SLC24A2: variants seen among roughly 807,000 people sequenced by gnomAD.
The protein encoded by SLC24A2 is sodium/potassium/calcium exchanger 2.
SLC24A2 carries 36 observed loss-of-function variants against 62.0 expected under a neutral mutation model. The ratio of observed to expected loss-of-function variants is 0.58; its 90% CI spans 0.44 to 0.77. SLC24A2 has a LOEUF of 0.77. SLC24A2 is among the 30% of genes least tolerant of loss of function. The pLI, the probability that SLC24A2 is intolerant of heterozygous loss-of-function variation, is 0.00. For missense variants in SLC24A2, 846 were observed against 817.9 expected, an observed-to-expected ratio of 1.03 and a Z score of -0.42; for synonymous variants, 358 against 294.0, an observed-to-expected ratio of 1.22 and a Z score of -2.23.
the SLC24A2 span, among the ~76,000 whole-genome samples, chr9:20,116,219 G>A: frequency 2.6e-5 from 4 of 152,218 alleles, no homozygotes; most frequent in Middle Eastern, 3.4e-3. Flanking sequence ...TCTCACACCA[G>A]AATGCCATTC....
Position 19,543,592 on chromosome 9 carries a change from C to T in SLC24A2, c.1479+6545G>A, listed in dbSNP as rs547770003. 1.2e-3 allele frequency among the ~76,000 whole-genome samples: 187 copies of T among 152,296 alleles called. 1 individual carries two copies. Among genetic ancestry groups the T allele is most frequent in the African/African-American group, 4.1e-3 (170 of 41,576 alleles). The stretch of plus-strand genomic sequence containing the variant: ...TTAGTGCTATAAATTTCCCTCTACA[C>T]AGTGCTTTAAATGTGTCCCAGAGAT... On this transcript the variant is annotated intron_variant, in intron 8 of 10. Coordinates refer to ENST00000341998, the MANE Select transcript of SLC24A2 (RefSeq NM_020344.4).
chr9:20,028,203 G>T, the SLC24A2 span, among the ~76,000 whole-genome samples: 9 of 152,150 alleles, frequency 5.9e-5, no homozygotes, highest in Non-Finnish European at 1.0e-4. Flanking sequence ...ATCATAGAAG[G>T]CTTTGGGGTT....
chr9:20,118,520 A>G, the SLC24A2 span, among the ~76,000 whole-genome samples: 2 of 152,128 alleles, frequency 1.3e-5, no homozygotes, highest in South Asian at 4.1e-4. Flanking sequence ...ATATTTAAAA[A>G]ACTATTGATG....
At chr9:20,115,799 G>C in the SLC24A2 span, among the ~76,000 whole-genome samples, 1 of 152,132 alleles carries the variant, frequency 6.6e-6, no homozygotes, top group Non-Finnish European at 1.5e-5. Flanking sequence ...TCCATAGTGT[G>C]TTGAATTTCT....
At chr9:19,994,302 C>CAA in the SLC24A2 span, among the ~76,000 whole-genome samples, 28 of 151,812 alleles carry the variant, frequency 1.8e-4, no homozygotes, top group Non-Finnish European at 2.7e-4. Context: ...AAAAACAAAA[C>CAA]AAAAAAAACA....
intron 2 of SLC24A2, among the ~76,000 whole-genome samples, chr9:19,682,678 C>T (rs13299310): frequency 0.18 from 27,748 of 152,094 alleles, 2,863 homozygotes; most frequent in Middle Eastern, 0.24. Context: ...TCTAAATACA[C>T]AAACGTACTG....
the SLC24A2 span, among the ~76,000 whole-genome samples, chr9:19,901,617 C>T: frequency 6.6e-6 from 1 of 152,148 alleles, no homozygotes; most frequent in African/African-American, 2.4e-5. Context: ...TCACTACACA[C>T]ACATGTAACA....
At chr9:20,039,217 C>G in the SLC24A2 span, among the ~76,000 whole-genome samples, 6 of 152,160 alleles carry the variant, frequency 3.9e-5, no homozygotes, top group African/African-American at 1.4e-4. Flanking sequence ...GACAAAATCT[C>G]AAACTTCTTT....
the SLC24A2 span, among the ~76,000 whole-genome samples, chr9:19,880,714 G>C: frequency 6.6e-6 from 1 of 152,180 alleles, no homozygotes; most frequent in Non-Finnish European, 1.5e-5. Flanking sequence ...TGAGCAACTG[G>C]CATAGACAGG....
intron 4 of SLC24A2, among the ~76,000 whole-genome samples, chr9:19,611,251 C>T (rs1422092548): frequency 6.8e-6 from 1 of 147,510 alleles, no homozygotes; most frequent in Non-Finnish European, 1.5e-5. Flanking sequence ...GTCAGAGAAG[C>T]AGAACAAGGG....
chr9:19,520,789 G>A (rs1159112544), intron 10 of SLC24A2, 105 bp downstream of exon 10: 2 of 990,306 alleles, frequency 2.0e-6, no homozygotes, highest in South Asian at 2.6e-5. Flanking sequence ...TATTGGTATT[G>A]GTTAGTCTTA....
intron 2 of SLC24A2, among the ~76,000 whole-genome samples, chr9:19,678,493 G>C (rs143963849): frequency 6.6e-6 from 1 of 152,274 alleles, no homozygotes; most frequent in South Asian, 2.1e-4. Context: ...TAACTTAGTG[G>C]TCTAGTGTAA....
At chr9:19,521,556 C>T (rs1483107988) in intron 9 of SLC24A2, among the ~76,000 whole-genome samples, 6 of 152,198 alleles carry the variant, frequency 3.9e-5, no homozygotes, top group Non-Finnish European at 8.8e-5. Context: ...CTATAATTTC[C>T]ACTGGAATCT....
At chr9:20,213,534 T>C in the SLC24A2 span, among the ~76,000 whole-genome samples, 15 of 152,156 alleles carry the variant, frequency 9.9e-5, no homozygotes, top group Admixed American at 9.8e-4. Flanking sequence ...CATAAAATAA[T>C]ACTTTTGAAA....
At chr9:19,772,484 G>T (rs763481454) in intron 2 of SLC24A2, among the ~76,000 whole-genome samples, 77 of 152,272 alleles carry the variant, frequency 5.1e-4, no homozygotes, top group Non-Finnish European at 9.1e-4. Flanking sequence ...CTGATAAGGG[G>T]CTTGTAACCA....
At chr9:19,647,115 C>T (rs1818665331) in intron 2 of SLC24A2, among the ~76,000 whole-genome samples, 1 of 148,512 alleles carries the variant, frequency 6.7e-6, no homozygotes, top group Admixed American at 6.7e-5. Context: ...CACACAGAGT[C>T]TCCCTGTACT....
At chr9:19,709,522 T>C (rs55781808) in intron 2 of SLC24A2, among the ~76,000 whole-genome samples, 28,961 of 151,610 alleles carry the variant, frequency 0.19, 2,882 homozygotes, top group Middle Eastern at 0.24. Flanking sequence ...CCAACAACGA[T>C]AGACTGGATT....
At chr9:19,554,855 GACT>G (rs1293426357) in intron 7 of SLC24A2, among the ~76,000 whole-genome samples, 1 of 152,166 alleles carries the variant, frequency 6.6e-6, no homozygotes, top group African/African-American at 2.4e-5. Flanking sequence ...TGCCTATACT[GACT>G]TGAGAGATAA....
At chr9:19,628,006 C>A (rs1353373347) in intron 2 of SLC24A2, among the ~76,000 whole-genome samples, 1 of 152,186 alleles carries the variant, frequency 6.6e-6, no homozygotes, top group Non-Finnish European at 1.5e-5. Flanking sequence ...GAAATGAATT[C>A]TTTCAATGCC....
Sources: gnomAD v4.1 joint callset for allele counts (sites outside exome capture counted in the v4.1 genomes callset) on GRCh38, gnomAD v4.1.1 for gene constraint, MANE v1.5 for transcripts, NCBI Gene and HGNC (gene_info 2026-07-23, HGNC 2026-07-21) for gene names.